The following TIAM2 variants were observed in gnomAD, a reference collection of about 807,000 sequenced individuals.
TIAM2 encodes the protein rho guanine nucleotide exchange factor TIAM2.
A neutral mutation model predicts 152.9 loss-of-function variants in TIAM2; 80 were observed. The ratio of observed to expected loss-of-function variants is 0.52; its 90% CI spans 0.44 to 0.63. TIAM2 has a LOEUF of 0.63. Ranked by LOEUF, TIAM2 falls within the 30% of genes least tolerant of loss-of-function variation. The probability of loss-of-function intolerance (pLI) is 0.00; values close to 1 mark genes in which losing one functional copy is unlikely to be tolerated. For missense variants in TIAM2, 1,965 were observed against 2,120.1 expected, an observed-to-expected ratio of 0.93 and a Z score of 1.44; for synonymous variants, 804 against 838.0, an observed-to-expected ratio of 0.96 and a Z score of 0.70.
chr6:155,160,507 C>G (rs1350868448), intron 7 of TIAM2, among the ~76,000 whole-genome samples: 1 of 152,186 alleles, frequency 6.6e-6, no homozygotes. Flanking sequence ...GTGGCCCAAT[C>G]AAGTTGGTAC....
chr6:155,223,328 T>TA (rs1782118581), intron 15 of TIAM2, among the ~76,000 whole-genome samples: 1 of 152,228 alleles, frequency 6.6e-6, no homozygotes, highest in Non-Finnish European at 1.5e-5. Context: ...TATAGTCAAG[T>TA]GATATTTTGA....
intron 1 of TIAM2, chr6:155,022,598 CCTGT>C (rs1188426297): frequency 2.6e-5 from 4 of 152,262 alleles, no homozygotes; most frequent in South Asian, 2.1e-4. Flanking sequence ...CTGCGCCTGG[CCTGT>C]CTGTCTGATT....
chr6:155,114,014 T>TTATATATATATATATATATATATATATA (rs1212954021), intron 2 of TIAM2, among the ~76,000 whole-genome samples: 1 of 58,852 alleles, frequency 1.7e-5, no homozygotes, highest in Admixed American at 3.6e-4. Context: ...ATACTTTACT[T>TTATATATATATATATATATATATATATA]TATATATATA....
At chr6:155,049,698 T>G (rs1369227657) in intron 1 of TIAM2, among the ~76,000 whole-genome samples, 2 of 152,170 alleles carry the variant, frequency 1.3e-5, no homozygotes, top group East Asian at 3.9e-4. Context: ...AAGAAAAACT[T>G]GGTGTAAATG....
At chr6:155,008,814 G>A (rs1470767351) in intron 1 of TIAM2, among the ~76,000 whole-genome samples, 3 of 152,148 alleles carry the variant, frequency 2.0e-5, no homozygotes, top group Non-Finnish European at 2.9e-5. Context: ...AGAAAAATGC[G>A]CTGACTGTAC....
At chr6:155,071,631 G>A (rs548369570) in intron 1 of TIAM2, among the ~76,000 whole-genome samples, 27 of 152,254 alleles carry the variant, frequency 1.8e-4, no homozygotes, top group Non-Finnish European at 1.5e-4. Context: ...TTGGCCGGGC[G>A]CGGTGGCTCA....
intron 12 of TIAM2, among the ~76,000 whole-genome samples, chr6:155,180,811 G>T (rs952398156): frequency 2.0e-5 from 3 of 152,040 alleles, no homozygotes; most frequent in African/African-American, 4.8e-5. Flanking sequence ...GTTTCACCAT[G>T]TTGGCCAGGC....
intron 14 of TIAM2, among the ~76,000 whole-genome samples, chr6:155,204,874 C>G (rs1781558856): frequency 6.6e-6 from 1 of 151,992 alleles, no homozygotes; most frequent in South Asian, 2.1e-4. Context: ...GCTCAGAGTC[C>G]TAGAGGCTGG....
chr6:155,069,275 G>T (rs1341142648), intron 1 of TIAM2, among the ~76,000 whole-genome samples: 1 of 151,948 alleles, frequency 6.6e-6, no homozygotes, highest in Admixed American at 6.6e-5. Context: ...TTGTATTTTA[G>T]TAGAGATGAG....
chr6:155,060,656 G>A (rs1777557001), intron 1 of TIAM2, among the ~76,000 whole-genome samples: 1 of 152,104 alleles, frequency 6.6e-6, no homozygotes, highest in Non-Finnish European at 1.5e-5. Context: ...CGTACTTTGG[G>A]AGGCCGAGGT....
chr6:155,080,748 C>G (rs1474142659), intron 1 of TIAM2, among the ~76,000 whole-genome samples: 1 of 152,110 alleles, frequency 6.6e-6, no homozygotes, highest in East Asian at 1.9e-4. Flanking sequence ...GTGGCATCTT[C>G]AAGTGCCAGG....
chr6:155,176,721 C>G, intron 9 of TIAM2, 95 bp from the exon 10 acceptor site: 1 of 1,385,032 alleles, frequency 7.2e-7, no homozygotes, highest in Admixed American at 1.9e-5. Flanking sequence ...AGCGTTTACT[C>G]TAAATACTCC....
chr6:155,199,145 G>A (rs987650520), intron 14 of TIAM2, among the ~76,000 whole-genome samples: 6 of 151,756 alleles, frequency 4.0e-5, no homozygotes, highest in African/African-American at 1.2e-4. Context: ...GTGCGATCTC[G>A]GTTCACTGCA....
intron 15 of TIAM2, among the ~76,000 whole-genome samples, chr6:155,225,524 C>G (rs1410761233): frequency 1.3e-5 from 2 of 152,220 alleles, no homozygotes; most frequent in African/African-American, 4.8e-5. Flanking sequence ...GTCACCCTCA[C>G]TCTGTCTCTT....
At chr6:155,224,648 C>T (rs541295513) in intron 15 of TIAM2, among the ~76,000 whole-genome samples, 1 of 152,336 alleles carries the variant, frequency 6.6e-6, no homozygotes, top group East Asian at 1.9e-4. Context: ...TTCGTTGGTT[C>T]TTGCCCCTTC....
Position 155,254,438 on chromosome 6 carries a change from AAC to A in TIAM2, c.4335_4336del (p.Ile1446CysfsTer2). ...ACCCAGTGACAGTGAAAGCAAAACCAACATTGTTAAGGTGATTCGTTCTATTC... is the reference window on the plus strand; with the variant it reads ...ACCCAGTGACAGTGAAAGCAAAACCAATTGTTAAGGTGATTCGTTCTATTC... ...LCCSDSESKT[N>X]IVKVIRSILR... On this transcript the variant is annotated frameshift_variant, in exon 26 of 27. Transcript: ENST00000682666. LOFTEE classifies it high-confidence loss of function. The A allele has an allele frequency of 6.2e-7, 1 of 1,612,966 alleles. No homozygotes were observed. The highest frequency in any genetic ancestry group is 8.5e-7 in the Non-Finnish European group (1 of 1,178,996).
At chr6:155,016,887 G>A (rs12110896) in intron 1 of TIAM2, among the ~76,000 whole-genome samples, 8,292 of 152,226 alleles carry the variant, frequency 0.054, 351 homozygotes, top group African/African-American at 0.12. Context: ...GTGATAGAGC[G>A]AGACTCCATC....
At chr6:155,135,202 G>A (rs1362545294) in intron 4 of TIAM2, among the ~76,000 whole-genome samples, 3 of 152,098 alleles carry the variant, frequency 2.0e-5, no homozygotes, top group East Asian at 1.9e-4. Flanking sequence ...TGCTTGGGGC[G>A]CAGTTGTTCA....
chr6:155,050,016 G>T (rs578230762), intron 1 of TIAM2, among the ~76,000 whole-genome samples: 1 of 152,260 alleles, frequency 6.6e-6, no homozygotes, highest in African/African-American at 2.4e-5. Context: ...AGTAAGTGAG[G>T]CTGAAACTAA....
Sources: gnomAD v4.1 joint callset for allele counts (sites outside exome capture counted in the v4.1 genomes callset) on GRCh38, gnomAD v4.1.1 for gene constraint, MANE v1.5 for transcripts, NCBI Gene and HGNC (gene_info 2026-07-23, HGNC 2026-07-21) for gene names.